The following TRPC5 variants were observed in gnomAD, a reference collection of about 807,000 sequenced individuals.
TRPC5 encodes the protein short transient receptor potential channel 5.
A neutral mutation model predicts 56.5 loss-of-function variants in TRPC5; 9 were observed. The ratio of observed to expected loss-of-function variants is 0.16; its 90% CI spans 0.10 to 0.28. The LOEUF (loss-of-function observed/expected upper bound fraction) is 0.28. Ranked by LOEUF, TRPC5 falls within the 10% of genes least tolerant of loss-of-function variation. TRPC5 has a pLI of 1.00. For missense variants in TRPC5, 469 were observed against 748.9 expected (o/e 0.63, Z 4.36); for synonymous variants, 282 against 278.5 (o/e 1.01, Z -0.13).
rs370911575 is a variant in TRPC5, at chrX:111,953,377, C to T, written c.-21-936G>A. Among the ~76,000 whole-genome samples, 40 of 112,322 alleles carry T rather than the reference C, an allele frequency of 3.6e-4. 1 individual carries two copies. The South Asian group carries it at 0.014, about 40-fold the overall frequency. Reference sequence around the variant, plus strand: ...AGCTCCTACAATGTGTTTAAACTGTCTCTGGGAGACAAAGGTAAAAAGATA... The same window carrying T: ...AGCTCCTACAATGTGTTTAAACTGTTTCTGGGAGACAAAGGTAAAAAGATA... On this transcript the variant is annotated intron_variant, in intron 1 of 10. Transcript: ENST00000262839.
intron 3 of TRPC5, among the ~76,000 whole-genome samples, chrX:111,855,823 T>C (rs1356048560): frequency 4.5e-5 from 5 of 112,253 alleles, no homozygotes; most frequent in Non-Finnish European, 9.4e-5. Flanking sequence ...ACCTTTGCAG[T>C]AGAAGAACTG....
At chrX:111,830,636 C>T (rs997198065) in intron 7 of TRPC5, among the ~76,000 whole-genome samples, 8 of 111,549 alleles carry the variant, frequency 7.2e-5, no homozygotes, top group African/African-American at 2.6e-4. Flanking sequence ...ATAAGGGGCT[C>T]TTCCCCCTTC....
chrX:111,877,484 A>G (rs1046573455), intron 3 of TRPC5, among the ~76,000 whole-genome samples: 4 of 110,778 alleles, frequency 3.6e-5, no homozygotes, highest in Non-Finnish European at 7.6e-5. Context: ...GTCCTGGGTA[A>G]ACCTCAAGTT....
chrX:111,775,364 G>A lies in TRPC5; in HGVS notation c.*949C>T, dbSNP rs1402713678. 3 of 111,462 alleles carry A rather than the reference G, an allele frequency of 2.7e-5. No individual in the cohort carries two copies. Among genetic ancestry groups the A allele is most frequent in the Non-Finnish European group, 3.8e-5 (2 of 53,105 alleles). 9.2% of individuals were successfully genotyped at this position (111,462 alleles called of 1,213,427 possible). ...TTCTGATAAAAATATTTCAAATTCAGGCTTTTATCTTAGAAATTATTTGAT... is the reference window on the plus strand; with the variant it reads ...TTCTGATAAAAATATTTCAAATTCAAGCTTTTATCTTAGAAATTATTTGAT... On this transcript the variant is annotated 3_prime_UTR_variant, in exon 11 of 11. Coordinates refer to ENST00000262839, the MANE Select transcript of TRPC5 (RefSeq NM_012471.3).
At chrX:111,935,075 T>A (rs947987503) in intron 2 of TRPC5, among the ~76,000 whole-genome samples, 4 of 112,187 alleles carry the variant, frequency 3.6e-5, no homozygotes. Context: ...TGTACTAATT[T>A]ACATTCCCAC....
chrX:112,063,051 C>A (rs1176608639), intron 1 of TRPC5, among the ~76,000 whole-genome samples: 7 of 112,100 alleles, frequency 6.2e-5, no homozygotes, highest in Non-Finnish European at 1.3e-4. Flanking sequence ...ACTTCAACTT[C>A]TAGCCCATGA....
chrX:112,081,750 AGCCAGCCAGTCAATGCTTCTCC>A (rs1930971239), intron 1 of TRPC5, 107 bp downstream of exon 1: 1 of 111,896 alleles, frequency 8.9e-6, no homozygotes, highest in African/African-American at 3.3e-5. Flanking sequence ...CTGAGCCCAC[AGCCAGCCAGTCAATGCTTCTCC>A]GCCTACAGCA....
intron 1 of TRPC5, among the ~76,000 whole-genome samples, chrX:112,059,307 A>G (rs1015351505): frequency 4.5e-5 from 5 of 111,944 alleles, no homozygotes; most frequent in Non-Finnish European, 9.4e-5. Context: ...GTGCTATTCT[A>G]TGCACAACAC....
intron 3 of TRPC5, among the ~76,000 whole-genome samples, chrX:111,884,691 G>A (rs1924389945): frequency 8.9e-6 from 1 of 112,861 alleles, no homozygotes; most frequent in Non-Finnish European, 1.9e-5. Flanking sequence ...CACAATTAAG[G>A]CCTCGTCAGC....
At chrX:111,813,254 G>A (rs1041312587) in intron 7 of TRPC5, among the ~76,000 whole-genome samples, 5 of 112,270 alleles carry the variant, frequency 4.5e-5, no homozygotes, top group East Asian at 2.8e-4. Context: ...TGCACCTAAC[G>A]ACACATAGCC....
intron 7 of TRPC5, among the ~76,000 whole-genome samples, chrX:111,823,292 C>T (rs1922086067): frequency 9.0e-6 from 1 of 111,645 alleles, no homozygotes; most frequent in Non-Finnish European, 1.9e-5. Context: ...TGGGGGAGGT[C>T]TGTCTGAAAA....
intron 3 of TRPC5, among the ~76,000 whole-genome samples, chrX:111,893,995 A>G (rs761991402): frequency 9.0e-6 from 1 of 111,727 alleles, no homozygotes; most frequent in Admixed American, 9.5e-5. Flanking sequence ...ACGAGAAGTT[A>G]TATGTCTGTA....
chrX:111,861,352 A>G (rs1415246864), intron 3 of TRPC5, among the ~76,000 whole-genome samples: 1 of 112,372 alleles, frequency 8.9e-6, no homozygotes, highest in Non-Finnish European at 1.9e-5. Flanking sequence ...GTGTTTACAC[A>G]GAGTTTTATT....
chrX:111,795,074 A>C (rs1050343103), intron 7 of TRPC5, among the ~76,000 whole-genome samples: 1 of 111,271 alleles, frequency 9.0e-6, no homozygotes, highest in Non-Finnish European at 1.9e-5. Context: ...ATATAAGATC[A>C]TATTGTTTCT....
intron 2 of TRPC5, among the ~76,000 whole-genome samples, chrX:111,950,026 A>G (rs1927033979): frequency 8.9e-6 from 1 of 111,884 alleles, no homozygotes; most frequent in Non-Finnish European, 1.9e-5. Flanking sequence ...CTACTCAGCC[A>G]TAAAAAGGAA....
chrX:111,922,821 A>G (rs773821645), intron 2 of TRPC5, among the ~76,000 whole-genome samples: 1 of 111,861 alleles, frequency 8.9e-6, no homozygotes, highest in African/African-American at 3.2e-5. Context: ...GTCAATATTG[A>G]TACATACAGA....
Position 111,886,205 on chromosome X carries a change from C to T in TRPC5, c.900+26086G>A, listed in dbSNP as rs144357431. On this transcript the variant is annotated intron_variant, in intron 3 of 10. Transcript: ENST00000262839. Reference sequence around the variant, plus strand: ...TGAGGCAGGAGAATTGCTTGAACCCCGGAGGTGGAGGTTGCAGTGAGCCAA... The same window carrying T: ...TGAGGCAGGAGAATTGCTTGAACCCTGGAGGTGGAGGTTGCAGTGAGCCAA... Among the ~76,000 whole-genome samples the T allele has an allele frequency of 4.4e-3, 488 of 111,906 alleles. 6 individuals carry two copies. Among genetic ancestry groups the T allele is most frequent in the African/African-American group, 0.015 (472 of 30,768 alleles).
intron 1 of TRPC5, among the ~76,000 whole-genome samples, chrX:112,005,285 G>A (rs1928806560): frequency 9.2e-6 from 1 of 108,975 alleles, no homozygotes; most frequent in East Asian, 2.9e-4. Context: ...ACATAGAGGG[G>A]AATAACACAT....
chrX:111,813,370 G>A (rs1237162279), intron 7 of TRPC5, among the ~76,000 whole-genome samples: 1 of 112,218 alleles, frequency 8.9e-6, no homozygotes, highest in African/African-American at 3.2e-5. Context: ...CTTTCACAGT[G>A]TGAGTATATA....
Sources: gnomAD v4.1 joint callset for allele counts (sites outside exome capture counted in the v4.1 genomes callset) on GRCh38, gnomAD v4.1.1 for gene constraint, MANE v1.5 for transcripts, NCBI Gene and HGNC (gene_info 2026-07-23, HGNC 2026-07-21) for gene names.